The following DOP1B variants were observed in gnomAD, a reference collection of about 807,000 sequenced individuals.
DOP1B encodes DOP1 leucine zipper like protein B.
DOP1B carries 174 observed loss-of-function variants against 233.5 expected under a neutral mutation model. That is an observed-to-expected ratio of 0.75 (90% confidence interval 0.66 to 0.85). DOP1B has a LOEUF of 0.85. DOP1B is among the 40% of genes least tolerant of loss of function. The pLI is 0.00. For missense variants in DOP1B, 2,652 were observed against 2,846.6 expected (o/e 0.93, Z 1.56); for synonymous variants, 1,190 against 1,185.6 (o/e 1.00, Z -0.08).
At chr21:36,268,177 C>CGGCA in intron 26 of DOP1B, among the ~76,000 whole-genome samples, 1 of 152,292 alleles carries the variant, frequency 6.6e-6, no homozygotes, top group African/African-American at 2.4e-5. Context: ...CAGTCCTTAT[C>CGGCA]TCAACCGCAT....
intron 2 of DOP1B, among the ~76,000 whole-genome samples, chr21:36,193,804 C>T (rs1321023388): frequency 6.6e-6 from 1 of 152,168 alleles, no homozygotes; most frequent in Non-Finnish European, 1.5e-5. Flanking sequence ...CTGGTTCTCC[C>T]TTCTCCACTG....
intron 36 of DOP1B, 23 bp downstream of exon 36, chr21:36,292,256 CTTTT>C (rs55884666): frequency 1.3e-4 from 168 of 1,334,078 alleles, no homozygotes; most frequent in South Asian, 4.3e-4. Flanking sequence ...CTTTTCTTTT[CTTTT>C]TTTTTTTTTT....
chr21:36,181,784 G>A (rs1311522848), intron 2 of DOP1B, among the ~76,000 whole-genome samples: 2 of 151,936 alleles, frequency 1.3e-5, no homozygotes, highest in African/African-American at 4.8e-5. Flanking sequence ...TGAAGAAGAA[G>A]GGAGCCGTGA....
chr21:36,230,305 T>G (rs904664725), intron 13 of DOP1B, 145 bp from the exon 14 acceptor site: 43 of 1,089,004 alleles, frequency 3.9e-5, no homozygotes, highest in Non-Finnish European at 5.1e-6. Flanking sequence ...CTCCTAAATT[T>G]CATTATACAC....
chr21:36,266,840 A>T (rs2067236266), intron 26 of DOP1B, among the ~76,000 whole-genome samples: 1 of 152,198 alleles, frequency 6.6e-6, no homozygotes. Flanking sequence ...ATGGGGAGAA[A>T]GGCCAAAAAC....
intron 1 of DOP1B, among the ~76,000 whole-genome samples, chr21:36,159,150 A>C (rs558867118): frequency 6.6e-6 from 1 of 150,892 alleles, no homozygotes; most frequent in African/African-American, 2.4e-5. Context: ...AAAAACCAAA[A>C]CAAAACAAAA....
chr21:36,262,412 A>G (rs761235642), intron 24 of DOP1B, among the ~76,000 whole-genome samples: 4 of 152,300 alleles, frequency 2.6e-5, no homozygotes, highest in South Asian at 2.1e-4. Flanking sequence ...CTGAGCTTTC[A>G]CTGCCTGGAC....
intron 18 of DOP1B, among the ~76,000 whole-genome samples, chr21:36,242,213 C>T (rs2066901191): frequency 1.4e-5 from 2 of 143,656 alleles, no homozygotes; most frequent in African/African-American, 5.1e-5. Context: ...CACTCTGTTG[C>T]CCAGGCTGGA....
intron 32 of DOP1B, 134 bp from the exon 33 acceptor site, chr21:36,287,880 T>G (rs573336544): frequency 1.7e-6 from 2 of 1,149,328 alleles, no homozygotes; most frequent in Admixed American, 5.3e-5. Context: ...CCACCAAGCC[T>G]GGCCTGTAAC....
Position 36,245,059 on chromosome 21 carries a change from C to T in DOP1B, c.3079C>T (p.Arg1027Cys), listed in dbSNP as rs746958221. 55 of 1,594,362 alleles carry T rather than the reference C, an allele frequency of 3.4e-5. No individual in the cohort carries two copies. The highest frequency in any genetic ancestry group is 9.0e-5 in the East Asian group (4 of 44,322). ...KQENSADDLH[R>C]WFNRKKTSFR... ...CTTGTAATTTTCAGATGACTTGCAC[C>T]GTTGGTTTAACAGGAAGAAAACCTC... Residue 1027 changes from arginine to cysteine, a missense_variant, in exon 19 of 37, where the codon CGT becomes TGT. Coordinates refer to ENST00000691173, the MANE Select transcript of DOP1B (RefSeq NM_001320714.2). The surrounding 1 kb of genome is among the most constrained non-coding windows in gnomAD (Gnocchi z 5.5).
intron 4 of DOP1B, among the ~76,000 whole-genome samples, chr21:36,202,264 T>A (rs1247574010): frequency 6.6e-6 from 1 of 152,146 alleles, no homozygotes; most frequent in Non-Finnish European, 1.5e-5. Flanking sequence ...AAGTATAAAG[T>A]AAGAACTCAC....
intron 2 of DOP1B, among the ~76,000 whole-genome samples, 162 bp downstream of exon 2, chr21:36,165,033 A>T (rs997567811): frequency 6.6e-6 from 1 of 152,094 alleles, no homozygotes; most frequent in Non-Finnish European, 1.5e-5. Context: ...AAATACCATT[A>T]TATATACAAT....
intron 35 of DOP1B, 142 bp downstream of exon 35, chr21:36,289,348 C>A: frequency 1.2e-6 from 1 of 852,422 alleles, no homozygotes; most frequent in Non-Finnish European, 1.8e-6. Flanking sequence ...GCTCGGAATA[C>A]CAAGTTTCAG....
intron 26 of DOP1B, among the ~76,000 whole-genome samples, chr21:36,265,997 C>T (rs1182465573): frequency 1.3e-5 from 2 of 151,910 alleles, no homozygotes; most frequent in East Asian, 3.9e-4. Flanking sequence ...AGGTTGAGGG[C>T]TCAGTCCCAC....
chr21:36,184,021 G>A (rs530135544), intron 2 of DOP1B, among the ~76,000 whole-genome samples: 2 of 150,304 alleles, frequency 1.3e-5, no homozygotes, highest in South Asian at 4.2e-4. Flanking sequence ...GTGCCACCAC[G>A]CCTGGTTAAT....
Position 36,251,195 on chromosome 21 carries a change from C to T in DOP1B, c.5032C>T (p.Pro1678Ser). The T allele has an allele frequency of 6.2e-7, 1 of 1,613,900 alleles. No individual in the cohort carries two copies. The highest frequency in any genetic ancestry group is 8.5e-7 in the Non-Finnish European group (1 of 1,179,988). Residue 1678 changes from proline (P) to serine (S), a missense_variant, in exon 22 of 37, where the codon CCC becomes TCC. Physicochemically the swap from Pro to Ser is moderately conservative, Grantham distance 74. Transcript: ENST00000691173. ...IRQKILDFLN[P>S]LTAHLGVQLT... ...ACAAAAAATTTTAGACTTCTTAAAC[C>T]CCTTGACGGCCCATCTTGGGGTTCA... is the stretch of plus-strand genomic sequence containing the variant.
chr21:36,287,481 G>T (rs1362417181), intron 32 of DOP1B, among the ~76,000 whole-genome samples: 1 of 151,772 alleles, frequency 6.6e-6, no homozygotes, highest in African/African-American at 2.4e-5. Flanking sequence ...CGGCCTGTGG[G>T]AATCATTTCC....
At position 36,169,883 on chromosome 21, in the gene DOP1B, G is replaced by A. The variant is rs541080654; in HGVS notation, c.138+5012G>A. 1.6e-4 allele frequency: 126 copies of A among 808,750 alleles called. 1 individual carries two copies. The East Asian group carries it at 2.8e-3, about 18-fold the overall frequency. The allele number at this position is 808,750 out of a possible 1,614,324, so 50.1% of individuals were successfully genotyped here. On this transcript the variant is annotated intron_variant, in intron 2 of 36. Coordinates refer to ENST00000691173, the MANE Select transcript of DOP1B (RefSeq NM_001320714.2). ...TCAGCAAAGATGGCCTTGAAGGTCC[G>A]GAGGCCTCAAGGGGTTTCCACGTAG...
chr21:36,165,681 A>G (rs950300569), intron 2 of DOP1B, among the ~76,000 whole-genome samples: 1 of 150,350 alleles, frequency 6.7e-6, no homozygotes, highest in Admixed American at 6.6e-5. Context: ...TGAACTGCAC[A>G]TGTGAGGGAT....
Sources: gnomAD v4.1 joint callset for allele counts (sites outside exome capture counted in the v4.1 genomes callset) on GRCh38, gnomAD v4.1.1 for gene constraint, Gnocchi (gnomAD v3.1) non-coding constraint, MANE v1.5 for transcripts, NCBI Gene and HGNC (gene_info 2026-07-23, HGNC 2026-07-21) for gene names.